ADAMTS2: variants seen among roughly 807,000 people sequenced by gnomAD.
ADAMTS2 encodes A disintegrin and metalloproteinase with thrombospondin motifs 2.
Under a neutral mutation model 123.0 loss-of-function variants are expected in ADAMTS2, and 50 were observed. The observed-to-expected ratio is 0.41, with a 90% CI of 0.32 to 0.51. The LOEUF (loss-of-function observed/expected upper bound fraction) is 0.51, where lower values mean the gene tolerates loss of function less well. Among genes scored for constraint, ADAMTS2 ranks in the 20% least tolerant of loss-of-function variants. The pLI, the probability that ADAMTS2 is intolerant of heterozygous loss-of-function variation, is 0.35. For synonymous variants in ADAMTS2, 678 were observed against 695.4 expected (o/e 0.98, Z 0.39); for missense variants, 1,494 against 1,705.2 (o/e 0.88, Z 2.18).
chr5:179,216,633 G>A (rs1467929927), intron 3 of ADAMTS2, among the ~76,000 whole-genome samples: 1 of 152,252 alleles, frequency 6.6e-6, no homozygotes, highest in Non-Finnish European at 1.5e-5. Context: ...CGGAGAAGCA[G>A]AAGTCAGACC....
rs992972880 is a variant in ADAMTS2, at chr5:179,185,856, G to A, written c.892-4701C>T. On this transcript the variant is annotated intron_variant, in intron 4 of 21. Transcript: ENST00000251582. The surrounding 1 kb of genome is among the most constrained non-coding windows in gnomAD (Gnocchi z 5.9). ...CTCAGATGGTTCGGAGATTAACTGG[G>A]GCTCCCTGGCTGCTGAGGAGCTAGA... Among the ~76,000 whole-genome samples the A allele has an allele frequency of 1.4e-4, 21 of 151,986 alleles. No individual in the cohort carries two copies. The highest frequency in any genetic ancestry group is 3.9e-4 in the African/African-American group (16 of 41,390).
intron 3 of ADAMTS2, among the ~76,000 whole-genome samples, chr5:179,213,832 G>A (rs59434527): frequency 1.3e-5 from 2 of 152,108 alleles, no homozygotes; most frequent in African/African-American, 2.4e-5. Context: ...CAAAAGATAC[G>A]AAACTTTATG....
intron 2 of ADAMTS2, among the ~76,000 whole-genome samples, chr5:179,319,444 C>CCG (rs1757096689): frequency 6.6e-6 from 1 of 152,006 alleles, no homozygotes; most frequent in Non-Finnish European, 1.5e-5. Context: ...ATGCACACGC[C>CCG]CACACATGTG....
At chr5:179,325,330 AC>A (rs1757284670) in intron 2 of ADAMTS2, among the ~76,000 whole-genome samples, 1 of 152,052 alleles carries the variant, frequency 6.6e-6, no homozygotes, top group Non-Finnish European at 1.5e-5. Context: ...CGGAAGGGAG[AC>A]CGCGTGCTTA....
At chr5:179,149,065 C>T (rs1445349911) in intron 10 of ADAMTS2, among the ~76,000 whole-genome samples, 1 of 152,174 alleles carries the variant, frequency 6.6e-6, no homozygotes, top group Non-Finnish European at 1.5e-5. Flanking sequence ...TTCCCCTCAG[C>T]CAGTGGCGCA....
Position 179,154,834 on chromosome 5 carries a change from C to T in ADAMTS2, c.1218G>A (p.Val406=), listed in dbSNP as rs1359068979. ...CTTACACGTGGCCAGTCTCATGGGCCACCACAAACGCTGAGGAGAAGCCGT... is the reference window on the plus strand; with the variant it reads ...CTTACACGTGGCCAGTCTCATGGGCTACCACAAACGCTGAGGAGAAGCCGT... ...HEDGFSSAFV[V]AHETGHVLGM... Residue 406 remains valine, a synonymous_variant, in exon 7 of 22, where the codon GTG becomes GTA. Transcript: ENST00000251582. The T allele has an allele frequency of 5.6e-6, 9 of 1,612,636 alleles. No individual in the cohort carries two copies. Among genetic ancestry groups the T allele is most frequent in the African/African-American group, 1.3e-5 (1 of 75,046 alleles).
chr5:179,131,185 C>T lies in ADAMTS2; in HGVS notation c.2290+1045G>A, dbSNP rs113970030. 7.4e-3 allele frequency among the ~76,000 whole-genome samples: 1,116 copies of T among 151,550 alleles called. 13 individuals are homozygous for T. Among genetic ancestry groups the T allele is most frequent in the African/African-American group, 0.025 (1,017 of 41,324 alleles). ...AAAATTAGCTGGGCATGGTGGCACA[C>T]GCCTGTAATCCCAGCTACTTGGGAG... On this transcript the variant is annotated intron_variant, in intron 15 of 21. Transcript: ENST00000251582.
chr5:179,235,055 C>G (rs764336737), intron 3 of ADAMTS2, among the ~76,000 whole-genome samples: 17 of 152,342 alleles, frequency 1.1e-4, no homozygotes, highest in Middle Eastern at 3.4e-3. Flanking sequence ...CCTGCCCTTT[C>G]TGGCAGACTC....
intron 2 of ADAMTS2, among the ~76,000 whole-genome samples, chr5:179,302,483 G>A (rs1561712682): frequency 6.6e-6 from 1 of 151,784 alleles, no homozygotes; most frequent in East Asian, 1.9e-4. Context: ...CCTCCTCCTG[G>A]GGGTCCTCTG....
chr5:179,322,888 C>T (rs1757226002), intron 2 of ADAMTS2, among the ~76,000 whole-genome samples: 1 of 152,218 alleles, frequency 6.6e-6, no homozygotes, highest in Admixed American at 6.5e-5. Context: ...AGGAGAGGTG[C>T]CTGGCAAGTC....
chr5:179,207,411 G>T, intron 4 of ADAMTS2, 102 bp downstream of exon 4: 2 of 1,253,850 alleles, frequency 1.6e-6, no homozygotes, highest in Non-Finnish European at 1.1e-6. Flanking sequence ...CAAGGAAATC[G>T]GCAGAGCCTC....
chr5:179,219,474 G>A (rs1765075799), intron 3 of ADAMTS2, among the ~76,000 whole-genome samples: 1 of 152,246 alleles, frequency 6.6e-6, no homozygotes. Flanking sequence ...TGAGGCATCA[G>A]ACCAGGCCAC....
chr5:179,141,650 C>G (rs1763172492), intron 10 of ADAMTS2, among the ~76,000 whole-genome samples: 1 of 152,124 alleles, frequency 6.6e-6, no homozygotes, highest in Non-Finnish European at 1.5e-5. Flanking sequence ...CCCATTCCTG[C>G]CCTAGCTCAG....
In ADAMTS2 at chr5:179,234,326, C is replaced by A. The variant is rs753398129; in HGVS notation, c.689-26611G>T. Among the ~76,000 whole-genome samples, 7 of 152,154 alleles carry A rather than the reference C, an allele frequency of 4.6e-5. No homozygotes were observed. Among genetic ancestry groups the A allele is most frequent in the Non-Finnish European group, 8.8e-5 (6 of 68,028 alleles). On this transcript the variant is annotated intron_variant, in intron 3 of 21. Transcript: ENST00000251582. This position sits in a 1 kb window ranked among gnomAD's most constrained non-coding sequence, Gnocchi z 4.7. ...CCAGCTCTGCATGGAGAAGGCCTCA[C>A]CATGCATCTCAGAGAGAAGTGGAGG...
intron 3 of ADAMTS2, among the ~76,000 whole-genome samples, chr5:179,271,940 C>T (rs77157918): frequency 0.022 from 3,359 of 152,314 alleles, 52 homozygotes; most frequent in Middle Eastern, 0.065. Flanking sequence ...CTGGAGCACT[C>T]GCTGTGAACG....
At chr5:179,217,795 AGGG>A (rs66559148) in intron 3 of ADAMTS2, among the ~76,000 whole-genome samples, 16,551 of 91,178 alleles carry the variant, frequency 0.18, 1,650 homozygotes, top group Admixed American at 0.25. Flanking sequence ...GGATGGCGCA[AGGG>A]GGGGATGGGC....
intron 12 of ADAMTS2, among the ~76,000 whole-genome samples, chr5:179,137,514 C>T (rs1007389049): frequency 3.9e-5 from 6 of 152,388 alleles, no homozygotes; most frequent in Non-Finnish European, 7.3e-5. Context: ...CTGCCGAGCC[C>T]GCAGCCCGGC....
At chr5:179,165,495 A>G (rs891039373) in intron 5 of ADAMTS2, among the ~76,000 whole-genome samples, 1 of 151,226 alleles carries the variant, frequency 6.6e-6, no homozygotes, top group African/African-American at 2.4e-5. Context: ...TGTCTGTGTG[A>G]CTCCACCTGT....
rs1052560193 is a variant in ADAMTS2, at chr5:179,113,714, C to T, written c.*153G>A. On this transcript the variant is annotated 3_prime_UTR_variant, in exon 22 of 22. Transcript: ENST00000251582. Reference sequence around the variant, plus strand: ...CTAACCTAGTTACCACATGCTCATGCCTATCTTTCTTACGTCATTCCCCCT... The same window carrying T: ...CTAACCTAGTTACCACATGCTCATGTCTATCTTTCTTACGTCATTCCCCCT... 2.5e-6 allele frequency: 2 copies of T among 790,036 alleles called. No individual in the cohort carries two copies. Among genetic ancestry groups the T allele is most frequent in the Non-Finnish European group, 4.2e-6 (2 of 476,630 alleles). The allele number at this position is 790,036 out of a possible 1,614,324, so 48.9% of individuals were successfully genotyped here. A position where few individuals can be genotyped will look rare whatever the true frequency, so the allele number is the denominator to read the frequency against.
Sources: allele counts gnomAD v4.1 joint callset (sites outside exome capture counted in the v4.1 genomes callset), GRCh38; gene constraint gnomAD v4.1.1; non-coding constraint Gnocchi (gnomAD v3.1); transcripts MANE v1.5; gene names NCBI Gene and HGNC (gene_info 2026-07-23, HGNC 2026-07-21).